Variants in LEPR observed in about 807,000 individuals in gnomAD.
The protein encoded by LEPR is OB receptor.
Under a neutral mutation model 114.7 loss-of-function variants are expected in LEPR, and 56 were observed. The observed-to-expected ratio is 0.49, with a 90% CI of 0.39 to 0.61. The LOEUF is 0.61. Ranked by LOEUF, LEPR falls within the 20% of genes least tolerant of loss-of-function variation. The pLI is 0.00. For missense variants in LEPR, 1,202 were observed against 1,352.9 expected (o/e 0.89, Z 1.75); for synonymous variants, 443 against 461.4 (o/e 0.96, Z 0.51).
At chr1:65,523,914 T>C (rs542633341) in intron 2 of LEPR, among the ~76,000 whole-genome samples, 1 of 152,244 alleles carries the variant, frequency 6.6e-6, no homozygotes, top group East Asian at 1.9e-4. Flanking sequence ...AAGACAAATG[T>C]CCTTTACAAC....
chr1:65,436,388 G>A (rs1646563201), intron 2 of LEPR, among the ~76,000 whole-genome samples: 2 of 152,168 alleles, frequency 1.3e-5, no homozygotes, highest in Admixed American at 1.3e-4. Flanking sequence ...GGAATAATAT[G>A]TCCTCCTTAT....
intron 6 of LEPR, among the ~76,000 whole-genome samples, chr1:65,593,686 G>A (rs749706577): frequency 6.6e-4 from 100 of 151,952 alleles, no homozygotes; most frequent in Non-Finnish European, 9.3e-4. Context: ...AGTTACTCGA[G>A]ATATAGCACT....
Position 65,527,624 on chromosome 1 carries a change from AAT to A in LEPR, c.-20-37920_-20-37919del, listed in dbSNP as rs576680133. Among the ~76,000 whole-genome samples the A allele has an allele frequency of 6.2e-4, 94 of 152,338 alleles. No individual in the cohort carries two copies. In the Middle Eastern group the frequency reaches 0.048, roughly 77 times the overall value. ...CTTTTCGGTGGCTTGGATTCAAAATAATAAAACAATCTTTTCTCACCCACATG... is the reference window on the plus strand; with the variant it reads ...CTTTTCGGTGGCTTGGATTCAAAATAAAAACAATCTTTTCTCACCCACATG... On this transcript the variant is annotated intron_variant, in intron 2 of 19. Coordinates refer to ENST00000349533, the MANE Select transcript of LEPR (RefSeq NM_002303.6).
At chr1:65,558,526 GTTTTTTTTTTTGTTTTTTTTTTGT>G (rs1653014759) in intron 2 of LEPR, among the ~76,000 whole-genome samples, 1 of 7,748 alleles carries the variant, frequency 1.3e-4, no homozygotes, top group African/African-American at 5.5e-4. Context: ...TGAATCAGAA[GTTTTTTTTTTTGTTTTTTTTTTGT>G]TTTTTTTTTT....
intron 2 of LEPR, among the ~76,000 whole-genome samples, chr1:65,456,051 G>A (rs1305774041): frequency 6.6e-6 from 1 of 152,146 alleles, no homozygotes; most frequent in Non-Finnish European, 1.5e-5. Flanking sequence ...TTTTCCAGGT[G>A]CCATCTGTCA....
At chr1:65,424,453 C>T (rs533264168) in intron 1 of LEPR, among the ~76,000 whole-genome samples, 1 of 152,240 alleles carries the variant, frequency 6.6e-6, no homozygotes, top group African/African-American at 2.4e-5. Flanking sequence ...GTTATGTGGA[C>T]CAACTGGCTG....
intron 5 of LEPR, among the ~76,000 whole-genome samples, chr1:65,590,954 A>G (rs998945226): frequency 4.4e-4 from 66 of 151,064 alleles, no homozygotes; most frequent in African/African-American, 1.6e-3. Flanking sequence ...TTTTTTTCTC[A>G]TATAGGCAGT....
At chr1:65,426,551 A>G (rs986388135) in intron 2 of LEPR, among the ~76,000 whole-genome samples, 1 of 152,038 alleles carries the variant, frequency 6.6e-6, no homozygotes, top group Non-Finnish European at 1.5e-5. Flanking sequence ...ATCAAGCAAA[A>G]TTGAGGGCTG....
At chr1:65,518,907 TTC>T (rs756465462) in intron 2 of LEPR, among the ~76,000 whole-genome samples, 1 of 119,142 alleles carries the variant, frequency 8.4e-6, no homozygotes, top group Admixed American at 8.3e-5. Flanking sequence ...CTTTCTTTCT[TTC>T]TTTCTTTCTC....
intron 2 of LEPR, among the ~76,000 whole-genome samples, chr1:65,538,344 T>G (rs1489330869): frequency 6.6e-6 from 1 of 152,106 alleles, no homozygotes. Flanking sequence ...TGCCATCTCC[T>G]TTTGGGGGCC....
intron 2 of LEPR, among the ~76,000 whole-genome samples, chr1:65,549,170 T>C (rs530829348): frequency 6.7e-6 from 1 of 149,210 alleles, no homozygotes; most frequent in African/African-American, 2.6e-5. Context: ...GTTTCTGCCG[T>C]GAGATCCGCT....
intron 2 of LEPR, among the ~76,000 whole-genome samples, chr1:65,440,649 G>A (rs576560221): frequency 1.3e-5 from 2 of 152,220 alleles, no homozygotes; most frequent in East Asian, 1.9e-4. Context: ...GAGCTGGAGC[G>A]TACCTGTGAG....
In LEPR at chr1:65,608,764, C is replaced by T. The variant is rs1388513497; in HGVS notation, c.1615C>T (p.Pro539Ser). 3.7e-6 allele frequency: 6 copies of T among 1,613,420 alleles called. No individual in the cohort carries two copies. The highest frequency in any genetic ancestry group is 5.1e-6 in the Non-Finnish European group (6 of 1,179,680). The change falls in exon 12 of 20, where the codon CCT becomes TCT. Residue 539 changes from proline to serine, a missense_variant. Physicochemically the swap from Pro to Ser is moderately conservative, Grantham distance 74. Transcript: ENST00000349533. ...GTAAAAATTTCTAGTGAAGCCACTG[C>T]CTCCATCCAGTGTGAAAGCAGAAAT... ...VLPDSVVKPL[P>S]PSSVKAEITI...
chr1:65,572,932 CTCTT>C (rs1280337472), intron 5 of LEPR, among the ~76,000 whole-genome samples: 8 of 152,196 alleles, frequency 5.3e-5, no homozygotes, highest in Admixed American at 5.2e-4. Flanking sequence ...GGCTGGCTCT[CTCTT>C]GCCTTCAGGG....
intron 7 of LEPR, among the ~76,000 whole-genome samples, chr1:65,598,424 T>A (rs1320629817): frequency 6.6e-6 from 1 of 152,120 alleles, no homozygotes; most frequent in Non-Finnish European, 1.5e-5. Context: ...CAATTAACAG[T>A]ATTTGTTAAT....
intron 2 of LEPR, chr1:65,433,460 T>A (rs1308079016): frequency 1.0e-6 from 1 of 985,294 alleles, no homozygotes; most frequent in East Asian, 1.1e-4. Flanking sequence ...GGAGAACCAT[T>A]TGATCAGAAT....
chr1:65,525,610 C>A, intron 2 of LEPR: 1 of 985,432 alleles, frequency 1.0e-6, no homozygotes, highest in Non-Finnish European at 1.2e-6. Flanking sequence ...CTCCCTTCTC[C>A]CCACCCCAGC....
chr1:65,623,133 A>G (rs1657984997), intron 19 of LEPR, 152 bp downstream of exon 19: 4 of 770,568 alleles, frequency 5.2e-6, no homozygotes, highest in Non-Finnish European at 8.2e-6. Flanking sequence ...TTTCAAGAAT[A>G]GCAGGATGCA....
intron 2 of LEPR, among the ~76,000 whole-genome samples, chr1:65,512,456 C>T (rs989656511): frequency 6.6e-6 from 1 of 152,156 alleles, no homozygotes; most frequent in African/African-American, 2.4e-5. Flanking sequence ...GGTGTAGGAG[C>T]AGTAGACTAA....
Sources: gnomAD v4.1 joint callset for allele counts (sites outside exome capture counted in the v4.1 genomes callset) on GRCh38, gnomAD v4.1.1 for gene constraint, MANE v1.5 for transcripts, NCBI Gene and HGNC (gene_info 2026-07-23, HGNC 2026-07-21) for gene names.